The following RALYL variants were observed in gnomAD, a reference collection of about 807,000 sequenced individuals.
RALYL encodes RALY RNA binding protein like.
Under a neutral mutation model 35.1 loss-of-function variants are expected in RALYL, and 29 were observed. That is an observed-to-expected ratio of 0.83 (90% confidence interval 0.61 to 1.13). The LOEUF (loss-of-function observed/expected upper bound fraction) is 1.13, where lower values mean the gene tolerates loss of function less well. Among genes scored for constraint, RALYL ranks in the 50% most tolerant of loss-of-function variants. RALYL has a pLI of 0.00. For synonymous variants in RALYL, 120 were observed against 127.6 expected, an observed-to-expected ratio of 0.94 and a Z score of 0.40; for missense variants, 359 against 360.4, an observed-to-expected ratio of 1.00 and a Z score of 0.03.
At chr8:84,485,057 T>C (rs1182276146) in intron 1 of RALYL, among the ~76,000 whole-genome samples, 7 of 152,166 alleles carry the variant, frequency 4.6e-5, no homozygotes, top group Admixed American at 4.6e-4. Flanking sequence ...CTCTTACCTC[T>C]CTGCCGCCGC....
intron 1 of RALYL, among the ~76,000 whole-genome samples, chr8:84,459,701 A>C (rs1471328651): frequency 9.2e-5 from 14 of 151,780 alleles, no homozygotes; most frequent in Non-Finnish European, 1.6e-4. Context: ...TATAAATAAA[A>C]TTGCTGAAAT....
chr8:84,492,461 A>C (rs1159922952), intron 1 of RALYL, among the ~76,000 whole-genome samples: 2 of 152,090 alleles, frequency 1.3e-5, no homozygotes, highest in Non-Finnish European at 2.9e-5. Context: ...ACTGAATTAC[A>C]TTGAAACTCC....
intron 1 of RALYL, among the ~76,000 whole-genome samples, chr8:84,316,207 C>T (rs927255674): frequency 2.6e-5 from 4 of 152,126 alleles, no homozygotes; most frequent in African/African-American, 7.2e-5. Flanking sequence ...TCTTTAGCAT[C>T]TCTACCCAAA....
intron 2 of RALYL, among the ~76,000 whole-genome samples, chr8:84,738,021 G>A (rs1269325577): frequency 6.6e-6 from 1 of 152,012 alleles, no homozygotes; most frequent in Admixed American, 6.6e-5. Flanking sequence ...CTAGGTGTTG[G>A]TGTGTGATCG....
At position 84,901,211 on chromosome 8, in the gene RALYL, A is replaced by G. The variant is rs62526873; in HGVS notation, c.858+13435A>G. 5.0e-3 allele frequency among the ~76,000 whole-genome samples: 761 copies of G among 152,304 alleles called. 5 individuals carry two copies. The highest frequency in any genetic ancestry group is 7.2e-3 in the Non-Finnish European group (487 of 68,018). ...AAAAATTTACAAATACAATTTTTCTAAAGTAAATGCTCTAAGAAAAGGGAG... is the reference window on the plus strand; with the variant it reads ...AAAAATTTACAAATACAATTTTTCTGAAGTAAATGCTCTAAGAAAAGGGAG... On this transcript the variant is annotated intron_variant, in intron 8 of 8. Transcript: ENST00000521268.
At chr8:84,393,487 G>A (rs780897501) in intron 1 of RALYL, among the ~76,000 whole-genome samples, 2 of 151,966 alleles carry the variant, frequency 1.3e-5, no homozygotes, top group African/African-American at 4.8e-5. Context: ...CTTCAATGAC[G>A]CTATGTACTG....
At chr8:84,504,533 TATTA>T (rs967512382) in intron 1 of RALYL, among the ~76,000 whole-genome samples, 83 of 152,298 alleles carry the variant, frequency 5.4e-4, no homozygotes, top group African/African-American at 2.0e-3. Context: ...ATTCTAAAAA[TATTA>T]ATTCTGCTGG....
At chr8:84,439,995 A>G (rs1193087318) in intron 1 of RALYL, among the ~76,000 whole-genome samples, 1 of 152,144 alleles carries the variant, frequency 6.6e-6, no homozygotes, top group Non-Finnish European at 1.5e-5. Context: ...ACAAAATTTA[A>G]GTCAGAATTG....
chr8:84,409,638 T>C (rs2043905835), intron 1 of RALYL, among the ~76,000 whole-genome samples: 1 of 151,992 alleles, frequency 6.6e-6, no homozygotes. Context: ...CATTTTTTAA[T>C]GAAGAATGAT....
intron 8 of RALYL, among the ~76,000 whole-genome samples, chr8:84,908,744 G>T (rs1172028420): frequency 2.6e-5 from 4 of 151,932 alleles, no homozygotes; most frequent in African/African-American, 9.7e-5. Context: ...AGCCCTAGCA[G>T]TTTGTGCATC....
At chr8:84,242,424 C>T (rs1586481605) in intron 1 of RALYL, among the ~76,000 whole-genome samples, 1 of 152,194 alleles carries the variant, frequency 6.6e-6, no homozygotes, top group Non-Finnish European at 1.5e-5. Flanking sequence ...GCTACAGTGT[C>T]TTCCACAATG....
chr8:84,371,519 A>C, intron 1 of RALYL, among the ~76,000 whole-genome samples: 1 of 149,634 alleles, frequency 6.7e-6, no homozygotes, highest in African/African-American at 2.5e-5. Context: ...TATTAAAAAT[A>C]GGGAATAAAT....
intron 2 of RALYL, among the ~76,000 whole-genome samples, chr8:84,604,152 G>GCA (rs1210455976): frequency 5.9e-5 from 9 of 152,050 alleles, no homozygotes; most frequent in African/African-American, 2.2e-4. Flanking sequence ...GCTTCTGACA[G>GCA]CACAGCTTTA....
At chr8:84,669,184 G>A (rs1465076157) in intron 2 of RALYL, among the ~76,000 whole-genome samples, 1 of 152,050 alleles carries the variant, frequency 6.6e-6, no homozygotes, top group East Asian at 1.9e-4. Flanking sequence ...ATCACCCCTG[G>A]ACAGTCCATC....
intron 2 of RALYL, among the ~76,000 whole-genome samples, chr8:84,755,127 T>A (rs1031761661): frequency 6.6e-6 from 1 of 152,148 alleles, no homozygotes; most frequent in Admixed American, 6.6e-5. Flanking sequence ...ATATGCAATT[T>A]GAAGTAGCTG....
At chr8:84,767,880 G>A (rs1814497135) in intron 2 of RALYL, among the ~76,000 whole-genome samples, 1 of 152,154 alleles carries the variant, frequency 6.6e-6, no homozygotes, top group South Asian at 2.1e-4. Flanking sequence ...AGGTACTTCT[G>A]CACAATGACT....
At chr8:84,665,178 C>A (rs143801315) in intron 2 of RALYL, among the ~76,000 whole-genome samples, 1 of 151,518 alleles carries the variant, frequency 6.6e-6, no homozygotes, top group South Asian at 2.1e-4. Flanking sequence ...TCTTTGATTG[C>A]GGTGGTTAAG....
At chr8:84,753,729 G>T (rs1810638131) in intron 2 of RALYL, among the ~76,000 whole-genome samples, 1 of 152,080 alleles carries the variant, frequency 6.6e-6, no homozygotes, top group African/African-American at 2.4e-5. Context: ...TGCCATGATT[G>T]AAAGTTTCTT....
At chr8:84,183,168 G>A (rs887641078), upstream of RALYL, 1 of 158,618 alleles carries the variant, frequency 6.3e-6, no homozygotes, top group Non-Finnish European at 1.4e-5. Context: ...GCGCGCCTCG[G>A]GCCCAACCCC....
Sources: allele counts gnomAD v4.1 joint callset (sites outside exome capture counted in the v4.1 genomes callset), GRCh38; gene constraint gnomAD v4.1.1; transcripts MANE v1.5; gene names NCBI Gene and HGNC (gene_info 2026-07-23, HGNC 2026-07-21).